Variants in PINX1 observed in about 807,000 individuals in gnomAD.
PINX1 encodes PIN2/TERF1-interacting telomerase inhibitor 1.
PINX1 carries 34 observed loss-of-function variants against 25.4 expected under a neutral mutation model. That is an observed-to-expected ratio of 1.34 (90% confidence interval 1.02 to 1.78). PINX1 has a LOEUF of 1.78. Ranked by LOEUF, PINX1 falls within the 40% of genes most tolerant of loss-of-function variation. The pLI is 0.00. For synonymous variants in PINX1, 197 were observed against 147.7 expected (o/e 1.33, Z -2.42); for missense variants, 592 against 404.9 (o/e 1.46, Z -3.97).
chr8:10,805,558 G>C (rs1218691717), intron 6 of PINX1, among the ~76,000 whole-genome samples: 1 of 127,116 alleles, frequency 7.9e-6, no homozygotes, highest in Non-Finnish European at 1.6e-5. Flanking sequence ...GCACAGGAAG[G>C]GGCCACACTA....
In PINX1 at chr8:10,819,074, G is replaced by A. The variant is rs137920425; in HGVS notation, c.471+1119C>T. On this transcript the variant is annotated intron_variant, in intron 6 of 6. Coordinates refer to ENST00000314787, the MANE Select transcript of PINX1 (RefSeq NM_017884.6). ...CTCCCTAGTGACCACTGCCTATCCC[G>A]TGACTCAGCATAGTCCGCGCAGGCA... Among the ~76,000 whole-genome samples the A allele has an allele frequency of 6.3e-3, 955 of 152,282 alleles. 12 individuals carry two copies. Among genetic ancestry groups the A allele is most frequent in the African/African-American group, 0.022 (907 of 41,552 alleles).
rs549694916 is a variant in PINX1 at position 10,765,719 on chromosome 8, A to T, written c.669T>A (p.Asp223Glu). 5 of 1,613,932 alleles carry T rather than the reference A, an allele frequency of 3.1e-6. No individual in the cohort carries two copies. The African/African-American group carries it at 6.7e-5, about 22-fold the overall frequency. The change falls in exon 7 of 7, where the codon GAT becomes GAA. Residue 223 changes from aspartate to glutamate, a missense_variant. By Grantham distance (45) the Asp-to-Glu change is conservative (BLOSUM62 2). Coordinates refer to ENST00000314787, the MANE Select transcript of PINX1 (RefSeq NM_017884.6). ...CCTTAGGCTGGAGGTAACTTTCCAC[A>T]TCTTTACCTGTGGCCTCTTTATTTC... ...KKRNKEATGK[D>E]VESYLQPKAK...
At chr8:10,832,051 T>C (rs6992366) in intron 3 of PINX1, among the ~76,000 whole-genome samples, 60,938 of 152,018 alleles carry the variant, frequency 0.4, 14,222 homozygotes, top group African/African-American at 0.65. Flanking sequence ...AATGTTAAAG[T>C]AAAACATAAT....
intron 6 of PINX1, among the ~76,000 whole-genome samples, chr8:10,777,712 G>T (rs6601524): frequency 0.22 from 32,847 of 152,096 alleles, 3,739 homozygotes; most frequent in East Asian, 0.32. Context: ...GTTGGAACTG[G>T]AGCAACTAGG....
intron 6 of PINX1, among the ~76,000 whole-genome samples, chr8:10,786,984 G>A (rs573660101): frequency 6.6e-5 from 10 of 152,290 alleles, no homozygotes; most frequent in South Asian, 6.2e-4. Flanking sequence ...TCTCATGAGG[G>A]AACAATTACT....
intron 1 of PINX1, among the ~76,000 whole-genome samples, chr8:10,837,723 T>C (rs544921902): frequency 5.1e-4 from 78 of 152,254 alleles, no homozygotes; most frequent in Non-Finnish European, 1.0e-3. Flanking sequence ...ACACAACAGC[T>C]CAATACCACA....
intron 6 of PINX1, among the ~76,000 whole-genome samples, chr8:10,811,760 G>T (rs373916125): frequency 6.6e-6 from 1 of 152,232 alleles, no homozygotes; most frequent in Middle Eastern, 3.4e-3. Flanking sequence ...TTGGGGCTCG[G>T]GGCAGCTGGA....
At chr8:10,797,308 C>G (rs1802116354) in intron 6 of PINX1, among the ~76,000 whole-genome samples, 1 of 152,106 alleles carries the variant, frequency 6.6e-6, no homozygotes, top group African/African-American at 2.4e-5. Context: ...CCAAAAGCTC[C>G]CTCAAATACA....
intron 6 of PINX1, among the ~76,000 whole-genome samples, chr8:10,773,334 G>A (rs1300074725): frequency 1.3e-5 from 2 of 152,208 alleles, no homozygotes; most frequent in African/African-American, 4.8e-5. Context: ...TCTGAACTGT[G>A]TCAGCAAGCA....
intron 1 of PINX1, among the ~76,000 whole-genome samples, chr8:10,836,265 C>T (rs569213567): frequency 1.6e-4 from 24 of 152,014 alleles, no homozygotes; most frequent in South Asian, 8.3e-4. Flanking sequence ...AAGTTGGGCT[C>T]GAATTTGTAG....
intron 6 of PINX1, among the ~76,000 whole-genome samples, chr8:10,817,553 ACT>A (rs1188044563): frequency 6.6e-6 from 1 of 152,060 alleles, no homozygotes; most frequent in Non-Finnish European, 1.5e-5. Flanking sequence ...ATAGAAAGAT[ACT>A]CTGTTTGTCT....
chr8:10,811,798 G>T (rs1219503869), intron 6 of PINX1, among the ~76,000 whole-genome samples: 1 of 152,166 alleles, frequency 6.6e-6, no homozygotes, highest in African/African-American at 2.4e-5. Flanking sequence ...TCAAGAGCAA[G>T]TGTTCCAGCC....
intron 6 of PINX1, among the ~76,000 whole-genome samples, chr8:10,769,808 C>G (rs1801169120): frequency 6.6e-6 from 1 of 152,196 alleles, no homozygotes; most frequent in African/African-American, 2.4e-5. Context: ...CCACAGGACC[C>G]CGACTCCTAG....
At chr8:10,773,065 T>G (rs980149871) in intron 6 of PINX1, among the ~76,000 whole-genome samples, 5 of 152,200 alleles carry the variant, frequency 3.3e-5, no homozygotes, top group African/African-American at 1.2e-4. Context: ...TGTAAAAATT[T>G]GTTTTCTTTC....
chr8:10,817,601 G>A (rs1297658833), intron 6 of PINX1, among the ~76,000 whole-genome samples: 2 of 152,190 alleles, frequency 1.3e-5, no homozygotes, highest in African/African-American at 4.8e-5. Flanking sequence ...TCTGTTTTCT[G>A]CACACATGCA....
chr8:10,800,194 A>G (rs1266421829), intron 6 of PINX1, among the ~76,000 whole-genome samples: 1 of 152,244 alleles, frequency 6.6e-6, no homozygotes, highest in African/African-American at 2.4e-5. Flanking sequence ...TTACCTAACA[A>G]GAGTCTGATG....
At chr8:10,784,530 T>A (rs1041127075) in intron 6 of PINX1, among the ~76,000 whole-genome samples, 3 of 152,240 alleles carry the variant, frequency 2.0e-5, no homozygotes, top group African/African-American at 7.2e-5. Context: ...TGACATGAAA[T>A]GTTCAGATTT....
intron 5 of PINX1, among the ~76,000 whole-genome samples, chr8:10,820,540 A>G (rs957911310): frequency 1.3e-5 from 2 of 152,226 alleles, no homozygotes; most frequent in African/African-American, 4.8e-5. Flanking sequence ...GACTGCAAGG[A>G]AAGCTAAATT....
intron 6 of PINX1, among the ~76,000 whole-genome samples, chr8:10,771,602 T>C (rs1264413637): frequency 6.6e-6 from 1 of 152,188 alleles, no homozygotes; most frequent in Non-Finnish European, 1.5e-5. Context: ...CAAGGTACAG[T>C]AAGTGCTCAA....
Sources: gnomAD v4.1 joint callset for allele counts (sites outside exome capture counted in the v4.1 genomes callset) on GRCh38, gnomAD v4.1.1 for gene constraint, MANE v1.5 for transcripts, NCBI Gene and HGNC (gene_info 2026-07-23, HGNC 2026-07-21) for gene names.